The following UGT1A3 variants were observed in gnomAD, a reference collection of about 807,000 sequenced individuals.
The protein encoded by UGT1A3 is UDP-glucuronosyltransferase 1A3.
A neutral mutation model predicts 41.0 loss-of-function variants in UGT1A3; 31 were observed. The observed-to-expected ratio is 0.76, with a 90% CI of 0.57 to 1.02. The LOEUF is 1.02. Ranked by LOEUF, UGT1A3 falls within the 50% of genes least tolerant of loss-of-function variation. UGT1A3 has a pLI of 0.00. For synonymous variants in UGT1A3, 262 were observed against 257.6 expected (o/e 1.02, Z -0.17); for missense variants, 737 against 671.0 (o/e 1.10, Z -1.09).
Position 233,736,954 on chromosome 2 carries a change from C to T in UGT1A3, c.867+6961C>T, listed in dbSNP as rs1375491683. On this transcript the variant is annotated intron_variant, in intron 1 of 4. Coordinates refer to ENST00000482026, the MANE Select transcript of UGT1A3 (RefSeq NM_019093.4). The stretch of plus-strand genomic sequence containing the variant: ...CCACCTATATGAGGTGTCTGTTGGC[C>T]CCTACTGGGAGGTGTTTCCCAGTCA... Among the ~76,000 whole-genome samples, 8 of 152,168 alleles carry T rather than the reference C, an allele frequency of 5.3e-5. No homozygotes were observed. The East Asian group carries it at 1.3e-3, about 26-fold the overall frequency.
chr2:233,742,316 T>C lies in UGT1A3; in HGVS notation c.867+12323T>C, dbSNP rs962081179. On this transcript the variant is annotated intron_variant, in intron 1 of 4. Coordinates refer to ENST00000482026, the MANE Select transcript of UGT1A3 (RefSeq NM_019093.4). ...TTATAGATTAACTAAAAGTATTCCT[T>C]ACGGGAAACAAAGGGATGGGCTCTG... Among the ~76,000 whole-genome samples, 12 of 151,968 alleles carry C rather than the reference T, an allele frequency of 7.9e-5. 1 individual carries two copies. Among genetic ancestry groups the C allele is most frequent in the Admixed American group, 3.3e-4 (5 of 15,280 alleles).
intron 1 of UGT1A3, among the ~76,000 whole-genome samples, chr2:233,751,050 G>T (rs1201577547): frequency 6.6e-6 from 1 of 151,910 alleles, no homozygotes; most frequent in Non-Finnish European, 1.5e-5. Context: ...GCCTGGAAAA[G>T]ACACAGACAC....
At chr2:233,751,042 C>T (rs1694623923) in intron 1 of UGT1A3, among the ~76,000 whole-genome samples, 1 of 151,808 alleles carries the variant, frequency 6.6e-6, no homozygotes, top group South Asian at 2.1e-4. Flanking sequence ...CACTGTGTGC[C>T]TGGAAAAGAC....
At chr2:233,745,689 T>C (rs1218366980) in intron 1 of UGT1A3, among the ~76,000 whole-genome samples, 4 of 149,704 alleles carry the variant, frequency 2.7e-5, no homozygotes, top group African/African-American at 1.0e-4. Flanking sequence ...CAAAGCAAGT[T>C]TGGAGAACAA....
chr2:233,741,879 A>G (rs775156771), intron 1 of UGT1A3: 10 of 151,838 alleles, frequency 6.6e-5, no homozygotes, highest in Non-Finnish European at 1.2e-4. Context: ...CTCAGAGGTG[A>G]CCCTAGAAGA....
intron 1 of UGT1A3, chr2:233,760,452 T>A (rs1697451536): frequency 6.2e-7 from 1 of 1,614,194 alleles, no homozygotes; most frequent in Non-Finnish European, 8.5e-7. Flanking sequence ...AGAGGGGACA[T>A]GAAATAGTTG....
intron 1 of UGT1A3, among the ~76,000 whole-genome samples, chr2:233,734,449 A>ATTTTGTTGATC (rs2078526533): frequency 6.6e-6 from 1 of 150,978 alleles, no homozygotes; most frequent in Admixed American, 6.6e-5. Context: ...AGGTCTATCA[A>ATTTTGTTGATC]TTTTCAAAAT....
At chr2:233,730,565 C>T (rs28898621) in intron 1 of UGT1A3, among the ~76,000 whole-genome samples, 10,381 of 152,078 alleles carry the variant, frequency 0.068, 502 homozygotes, top group East Asian at 0.2. Context: ...GAATGACACA[C>T]GAAGTTCAGT....
chr2:233,769,620 A>G lies in UGT1A3; in HGVS notation c.1307+1181A>G. The G allele has an allele frequency of 6.2e-7, 1 of 1,612,636 alleles. No homozygotes were observed. Among genetic ancestry groups the G allele is most frequent in the Non-Finnish European group, 8.5e-7 (1 of 1,179,796 alleles). ...AACACGGGGACACACCAGCTTGAGCAAGGGACAACAGGGGAGGACTGATGA... is the reference window on the plus strand; with the variant it reads ...AACACGGGGACACACCAGCTTGAGCGAGGGACAACAGGGGAGGACTGATGA... On this transcript the variant is annotated intron_variant, in intron 4 of 4. Transcript: ENST00000482026. This position sits in a 1 kb window ranked among gnomAD's most constrained non-coding sequence, Gnocchi z 4.4.
At chr2:233,760,915 GT>G in intron 1 of UGT1A3, 1 of 1,614,180 alleles carries the variant, frequency 6.2e-7, no homozygotes, top group Non-Finnish European at 8.5e-7. Context: ...CCTGCAGCGG[GT>G]GAAGAACATG....
intron 3 of UGT1A3, 134 bp from the exon 4 acceptor site, chr2:233,768,086 A>C (rs1699559906): frequency 6.3e-7 from 1 of 1,591,310 alleles, no homozygotes; most frequent in Non-Finnish European, 8.6e-7. Context: ...ATCTCAACCC[A>C]CATTTTCTTC....
At chr2:233,757,535 A>AATATATATACATATATATACATATAT (rs376887521) in intron 1 of UGT1A3, among the ~76,000 whole-genome samples, 1 of 88,312 alleles carries the variant, frequency 1.1e-5, no homozygotes, top group Non-Finnish European at 2.2e-5. Context: ...GCCTGTAAGG[A>AATATATATACATATATATACATATAT]ATATATATAT....
chr2:233,743,929 G>A (rs1692592550), intron 1 of UGT1A3: 10 of 1,360,304 alleles, frequency 7.4e-6, no homozygotes, highest in Non-Finnish European at 9.8e-6. Flanking sequence ...TGGATGGCCA[G>A]AACGGCCCAC....
At chr2:233,760,765 G>A (rs764212365) in intron 1 of UGT1A3, 4 of 1,614,012 alleles carry the variant, frequency 2.5e-6, no homozygotes, top group Non-Finnish European at 3.4e-6. Flanking sequence ...CAGCCCCATC[G>A]TGGCCCAGTA....
At chr2:233,748,267 A>G (rs762493954) in intron 1 of UGT1A3, among the ~76,000 whole-genome samples, 2 of 151,794 alleles carry the variant, frequency 1.3e-5, no homozygotes, top group Non-Finnish European at 2.9e-5. Context: ...TAAATGGTCA[A>G]TGAGAGGAAG....
Position 233,729,874 on chromosome 2 carries a change from A to C in UGT1A3, c.748A>C (p.Ser250Arg), listed in dbSNP as rs1272831634. 1 of 1,613,832 alleles carries C rather than the reference A, an allele frequency of 6.2e-7. No individual in the cohort carries two copies. Among genetic ancestry groups the C allele is most frequent in the Non-Finnish European group, 8.5e-7 (1 of 1,179,858 alleles). Residue 250 changes from serine (S) to arginine (R), a missense_variant, in exon 1 of 5, where the codon AGT becomes CGT. Ser to Arg is a moderately radical substitution (Grantham distance 110). Coordinates refer to ENST00000482026, the MANE Select transcript of UGT1A3 (RefSeq NM_019093.4). ...QREVSVVDIL[S>R]HASVWLFRGD... ...AGAGGTGTCAGTGGTGGATATTCTCAGTCATGCATCTGTGTGGCTGTTCCG... is the reference window on the plus strand; with the variant it reads ...AGAGGTGTCAGTGGTGGATATTCTCCGTCATGCATCTGTGTGGCTGTTCCG...
chr2:233,738,962 C>A (rs2125819813), intron 1 of UGT1A3: 1 of 152,334 alleles, frequency 6.6e-6, no homozygotes, highest in Admixed American at 6.5e-5. Flanking sequence ...GGGTCCAGGC[C>A]CCCACTGCTG....
chr2:233,772,220 C>T (rs1700484860), intron 4 of UGT1A3, 42 bp from the exon 5 acceptor site: 1 of 1,612,710 alleles, frequency 6.2e-7, no homozygotes, highest in Non-Finnish European at 8.5e-7. Flanking sequence ...ATTGTTCATA[C>T]CACAGGTGTT....
At chr2:233,760,708 G>A in intron 1 of UGT1A3, 2 of 1,614,172 alleles carry the variant, frequency 1.2e-6, no homozygotes, top group East Asian at 2.2e-5. Context: ...GGCCTCCCTG[G>A]CAGAAAGCAG....
Sources: allele counts gnomAD v4.1 joint callset (sites outside exome capture counted in the v4.1 genomes callset), GRCh38; gene constraint gnomAD v4.1.1; non-coding constraint Gnocchi (gnomAD v3.1); transcripts MANE v1.5; gene names NCBI Gene and HGNC (gene_info 2026-07-23, HGNC 2026-07-21).